PLD1: variants seen among roughly 807,000 people sequenced by gnomAD.
PLD1 encodes the protein phospholipase D1, also known as choline phosphatase 1.
In PLD1, 112 loss-of-function variants were observed where a neutral mutation model predicts 137.1. The ratio of observed to expected loss-of-function variants is 0.82; its 90% CI spans 0.70 to 0.96. PLD1 has a LOEUF of 0.96. Ranked by LOEUF, PLD1 falls within the 40% of genes least tolerant of loss-of-function variation. The pLI is 0.00. For synonymous variants in PLD1, 431 were observed against 454.7 expected, an observed-to-expected ratio of 0.95 and a Z score of 0.66; for missense variants, 1,321 against 1,342.0, an observed-to-expected ratio of 0.98 and a Z score of 0.24.
Position 171,737,998 on chromosome 3 carries a change from A to T in PLD1, c.54T>A (p.Ala18=). The T allele has an allele frequency of 6.2e-7, 1 of 1,613,986 alleles. No homozygotes were observed. Among genetic ancestry groups the T allele is most frequent in the Non-Finnish European group, 8.5e-7 (1 of 1,179,832 alleles). The change falls in exon 2 of 27, where the codon GCT becomes GCA. Residue 18 remains alanine (A), a synonymous_variant. Coordinates refer to ENST00000351298, the MANE Select transcript of PLD1 (RefSeq NM_002662.5). ...TTTCTATGATATTACTCATGTCAGC[A>T]GCAATTTTCTGCAGTGCAGAGGTAT... ...RVNTSALQKI[A]ADMSNIIENL...
At chr3:171,716,388 T>C (rs1717687001) in intron 8 of PLD1, among the ~76,000 whole-genome samples, 1 of 152,224 alleles carries the variant, frequency 6.6e-6, no homozygotes, top group Non-Finnish European at 1.5e-5. Flanking sequence ...CTCTGAAACC[T>C]CGTCAGCATC....
Position 171,709,667 on chromosome 3 carries a change from C to A in PLD1, c.954G>T (p.Trp318Cys). The change falls in exon 10 of 27, where the codon TGG (tryptophan) becomes TGT (cysteine). Residue 318 changes from tryptophan to cysteine, a missense_variant. Trp to Cys is a radical substitution (Grantham distance 215, BLOSUM62 -2). Coordinates refer to ENST00000351298, the MANE Select transcript of PLD1 (RefSeq NM_002662.5). ...LKCNSYRHAR[W>C]WGGAIEEFIQ... ...TGAATTCTTCTATAGCCCCTCCCCA[C>A]CACCGAGCATGTCTATAGCTGTTGC... 1 of 1,614,026 alleles carries A rather than the reference C, an allele frequency of 6.2e-7. No homozygotes were observed. The highest frequency in any genetic ancestry group is 8.5e-7 in the Non-Finnish European group (1 of 1,179,924).
intron 1 of PLD1, among the ~76,000 whole-genome samples, chr3:171,744,998 A>T (rs1217206605): frequency 6.6e-6 from 1 of 152,246 alleles, no homozygotes; most frequent in Non-Finnish European, 1.5e-5. Flanking sequence ...CTTGATTCTC[A>T]TGACTTTTCC....
intron 22 of PLD1, among the ~76,000 whole-genome samples, chr3:171,643,854 C>CTGTTT (rs1387023996): frequency 1.3e-5 from 2 of 151,922 alleles, no homozygotes; most frequent in African/African-American, 4.8e-5. Context: ...GGCAGAAGCA[C>CTGTTT]CCTGGAGGAA....
At position 171,603,310 on chromosome 3, in the gene PLD1, G is replaced by A. The variant is rs376807150; in HGVS notation, c.3001-8C>T. The A allele has an allele frequency of 1.1e-5, 17 of 1,598,902 alleles. No homozygotes were observed. Among genetic ancestry groups the A allele is most frequent in the African/African-American group, 1.3e-5 (1 of 74,622 alleles). On this transcript the variant is annotated splice_polypyrimidine_tract_variant and splice_region_variant and intron_variant, in intron 26 of 26. Transcript: ENST00000351298. ...GGGAAGGCACCGGAAAACCTGATTA[G>A]AGCATAAATAGAAAAATGAGTGAAA...
chr3:171,786,991 T>C (rs144260876), intron 1 of PLD1, among the ~76,000 whole-genome samples: 81 of 152,348 alleles, frequency 5.3e-4, no homozygotes, highest in African/African-American at 1.8e-3. Context: ...CATTTCCTGT[T>C]AAATTCCTCC....
At chr3:171,717,647 A>G (rs906441317) in intron 8 of PLD1, among the ~76,000 whole-genome samples, 19 of 152,324 alleles carry the variant, frequency 1.2e-4, no homozygotes, top group African/African-American at 4.3e-4. Flanking sequence ...GGAGTTTTCT[A>G]GATATAGAAT....
At chr3:171,665,097 A>G (rs1002353961) in intron 19 of PLD1, among the ~76,000 whole-genome samples, 10 of 152,160 alleles carry the variant, frequency 6.6e-5, no homozygotes, top group African/African-American at 2.2e-4. Context: ...CTCTGACTCA[A>G]TGAACTCATT....
chr3:171,785,717 G>A (rs749911503), intron 1 of PLD1, among the ~76,000 whole-genome samples: 2 of 152,246 alleles, frequency 1.3e-5, no homozygotes, highest in Non-Finnish European at 2.9e-5. Flanking sequence ...GATTATAGGC[G>A]TGAGCCACCA....
At chr3:171,808,475 G>T (rs1723963318) in intron 1 of PLD1, among the ~76,000 whole-genome samples, 1 of 152,124 alleles carries the variant, frequency 6.6e-6, no homozygotes, top group Admixed American at 6.5e-5. Flanking sequence ...GGTGGAGCTT[G>T]CAGTGAGCCG....
chr3:171,775,554 G>A (rs1414401618), intron 1 of PLD1, among the ~76,000 whole-genome samples: 1 of 152,128 alleles, frequency 6.6e-6, no homozygotes, highest in Non-Finnish European at 1.5e-5. Context: ...GATTTAAAGA[G>A]GGAAAGAGCC....
intron 1 of PLD1, among the ~76,000 whole-genome samples, chr3:171,740,427 C>G (rs970286766): frequency 2.6e-5 from 4 of 152,210 alleles, no homozygotes; most frequent in African/African-American, 9.6e-5. Context: ...CAAGGAAAAA[C>G]AGATAAGAAA....
At chr3:171,738,154 C>A in intron 1 of PLD1, 72 bp from the exon 2 acceptor site, 2 of 900,604 alleles carry the variant, frequency 2.2e-6, no homozygotes, top group Non-Finnish European at 3.4e-6. Context: ...CAATTTGAAT[C>A]CAGACTTAGA....
At chr3:171,780,738 T>C (rs78982908) in intron 1 of PLD1, among the ~76,000 whole-genome samples, 4,797 of 152,228 alleles carry the variant, frequency 0.032, 157 homozygotes, top group African/African-American at 0.085. Flanking sequence ...AAGAGTGGGC[T>C]CAAGAGAAAT....
chr3:171,711,817 T>TA (rs36106956), intron 9 of PLD1, among the ~76,000 whole-genome samples: 2,257 of 99,108 alleles, frequency 0.023, 29 homozygotes, highest in East Asian at 0.053. Flanking sequence ...TTATAAATGC[T>TA]AAAAAAAAAA....
intron 23 of PLD1, among the ~76,000 whole-genome samples, chr3:171,639,264 AATATATAAATATATCATATATTATCT>A (rs1460241040): frequency 5.7e-5 from 8 of 140,910 alleles, no homozygotes; most frequent in South Asian, 4.2e-4. Context: ...ACATATAAGT[AATATATAAATATATCATATATTATCT>A]ATATATAAAT....
chr3:171,643,294 A>G (rs1735925316), intron 22 of PLD1: 1 of 157,412 alleles, frequency 6.4e-6, no homozygotes, highest in African/African-American at 2.4e-5. Flanking sequence ...TAGCAGAATA[A>G]TTTACAAATT....
chr3:171,808,379 A>G (rs1162038902), intron 1 of PLD1, among the ~76,000 whole-genome samples: 5 of 152,132 alleles, frequency 3.3e-5, no homozygotes, highest in Non-Finnish European at 5.9e-5. Context: ...TACTAAAAAT[A>G]CAAAAAATCA....
intron 19 of PLD1, among the ~76,000 whole-genome samples, chr3:171,664,151 A>T (rs1430310973): frequency 6.6e-6 from 1 of 152,246 alleles, no homozygotes; most frequent in Non-Finnish European, 1.5e-5. Context: ...TATATTAAAT[A>T]TCATAGAAGA....
Sources: gnomAD v4.1 joint callset for allele counts (sites outside exome capture counted in the v4.1 genomes callset) on GRCh38, gnomAD v4.1.1 for gene constraint, MANE v1.5 for transcripts, NCBI Gene and HGNC (gene_info 2026-07-23, HGNC 2026-07-21) for gene names.